Variants in CTNNBL1 observed in about 807,000 individuals in gnomAD.
The protein encoded by CTNNBL1 is catenin beta like 1.
A neutral mutation model predicts 72.7 loss-of-function variants in CTNNBL1; 31 were observed. The ratio of observed to expected loss-of-function variants is 0.43; its 90% CI spans 0.32 to 0.58. The LOEUF is 0.58. CTNNBL1 is among the 20% of genes least tolerant of loss of function. CTNNBL1 has a pLI of 0.08. For synonymous variants in CTNNBL1, 240 were observed against 267.3 expected (o/e 0.90, Z 1.00); for missense variants, 534 against 725.1 (o/e 0.74, Z 3.03).
At position 37,709,182 on chromosome 20, in the gene CTNNBL1, CATG is replaced by C. The variant is rs1183449666; in HGVS notation, c.30+15034_30+15036del. On this transcript the variant is annotated intron_variant, in intron 1 of 15. Transcript: ENST00000361383. Reference sequence around the variant, plus strand: ...AGGGAGTTGAAACCAAGCAGAGTATCATGATGCTTCTCTCTGAATATATCTGAC... The same window carrying C: ...AGGGAGTTGAAACCAAGCAGAGTATCATGCTTCTCTCTGAATATATCTGAC... Among the ~76,000 whole-genome samples the C allele has an allele frequency of 3.9e-5, 6 of 152,154 alleles. No homozygotes were observed. The East Asian group carries it at 1.2e-3, about 29-fold the overall frequency.
intron 10 of CTNNBL1, among the ~76,000 whole-genome samples, chr20:37,780,888 A>G (rs2073619771): frequency 6.6e-6 from 1 of 152,120 alleles, no homozygotes; most frequent in Non-Finnish European, 1.5e-5. Context: ...TGCCATTTCC[A>G]AGTCTATCTA....
intron 15 of CTNNBL1, among the ~76,000 whole-genome samples, chr20:37,863,893 G>C (rs2072513825): frequency 6.6e-6 from 1 of 152,206 alleles, no homozygotes; most frequent in South Asian, 2.1e-4. Flanking sequence ...GTTCTCTCTA[G>C]ATGGAAGGTT....
intron 1 of CTNNBL1, among the ~76,000 whole-genome samples, chr20:37,703,643 A>G (rs1410536858): frequency 6.6e-6 from 1 of 152,202 alleles, no homozygotes; most frequent in Non-Finnish European, 1.5e-5. Flanking sequence ...ATATCACATA[A>G]TTCTCTGCTT....
intron 15 of CTNNBL1, among the ~76,000 whole-genome samples, chr20:37,863,472 G>A (rs772997100): frequency 6.6e-6 from 1 of 152,210 alleles, no homozygotes; most frequent in Non-Finnish European, 1.5e-5. Context: ...TGGCACGGAG[G>A]CAGTTATGTA....
chr20:37,734,576 G>C (rs1405561588), intron 2 of CTNNBL1, among the ~76,000 whole-genome samples: 2 of 152,226 alleles, frequency 1.3e-5, no homozygotes, highest in African/African-American at 2.4e-5. Context: ...CGTCTGTTAA[G>C]GGACAGGGAA....
chr20:37,842,451 T>G, intron 13 of CTNNBL1, 32 bp downstream of exon 13: 2 of 1,516,668 alleles, frequency 1.3e-6, no homozygotes, highest in Non-Finnish European at 1.8e-6. Flanking sequence ...TTGCCAGCTA[T>G]TGACTTGCCC....
intron 5 of CTNNBL1, among the ~76,000 whole-genome samples, chr20:37,761,014 G>A (rs2073412964): frequency 6.6e-6 from 1 of 151,804 alleles, no homozygotes; most frequent in African/African-American, 2.4e-5. Context: ...GAAGAAGTAA[G>A]TAATGATAAT....
intron 1 of CTNNBL1, among the ~76,000 whole-genome samples, chr20:37,719,192 A>G (rs1205850974): frequency 6.6e-6 from 1 of 152,186 alleles, no homozygotes; most frequent in Non-Finnish European, 1.5e-5. Flanking sequence ...AATTTACCCT[A>G]ATGGCCCAAG....
intron 15 of CTNNBL1, among the ~76,000 whole-genome samples, chr20:37,867,821 A>G (rs1307518329): frequency 1.3e-5 from 2 of 152,226 alleles, no homozygotes; most frequent in African/African-American, 4.8e-5. Flanking sequence ...GGTAGCTGGC[A>G]CCACCAAGAT....
chr20:37,856,587 T>C (rs2072443193), intron 13 of CTNNBL1, among the ~76,000 whole-genome samples: 1 of 150,544 alleles, frequency 6.6e-6, no homozygotes, highest in Admixed American at 6.6e-5. Flanking sequence ...GCAGAGAGTA[T>C]GGCCAACACA....
intron 1 of CTNNBL1, among the ~76,000 whole-genome samples, chr20:37,708,063 T>C (rs1293104873): frequency 6.6e-6 from 1 of 152,176 alleles, no homozygotes. Flanking sequence ...TAAAGATCAC[T>C]CATCACGGAT....
At chr20:37,779,844 T>A (rs770968600) in intron 10 of CTNNBL1, among the ~76,000 whole-genome samples, 8 of 152,150 alleles carry the variant, frequency 5.3e-5, no homozygotes, top group Non-Finnish European at 1.2e-4. Flanking sequence ...AAACTTTTAT[T>A]TATAGTACTT....
intron 1 of CTNNBL1, among the ~76,000 whole-genome samples, chr20:37,721,200 T>A (rs912629419): frequency 7.9e-5 from 12 of 152,360 alleles, no homozygotes; most frequent in Non-Finnish European, 1.3e-4. Flanking sequence ...TTCCAGACCC[T>A]CTGCTATCCC....
intron 1 of CTNNBL1, among the ~76,000 whole-genome samples, chr20:37,724,833 A>G (rs549043570): frequency 2.6e-5 from 4 of 151,188 alleles, no homozygotes; most frequent in Admixed American, 6.6e-5. Context: ...ATAGTAATTT[A>G]TTTGTTTGTT....
At chr20:37,736,943 G>A (rs992100428) in intron 2 of CTNNBL1, among the ~76,000 whole-genome samples, 1 of 152,096 alleles carries the variant, frequency 6.6e-6, no homozygotes, top group African/African-American at 2.4e-5. Context: ...GTGTACTGTG[G>A]CCGGGCACAG....
At chr20:37,762,243 G>T (rs1048488424) in intron 5 of CTNNBL1, among the ~76,000 whole-genome samples, 6 of 152,036 alleles carry the variant, frequency 3.9e-5, no homozygotes, top group Non-Finnish European at 5.9e-5. Context: ...GTGGGTGTGG[G>T]GTTTTATTGT....
chr20:37,811,060 C>T (rs2072008358), intron 11 of CTNNBL1, among the ~76,000 whole-genome samples: 1 of 152,182 alleles, frequency 6.6e-6, no homozygotes, highest in Non-Finnish European at 1.5e-5. Flanking sequence ...GTTTGTATTC[C>T]TCCTCCTTCT....
chr20:37,756,789 C>A (rs1406079807), intron 4 of CTNNBL1, among the ~76,000 whole-genome samples: 1 of 151,584 alleles, frequency 6.6e-6, no homozygotes, highest in Non-Finnish European at 1.5e-5. Flanking sequence ...AGGCATGTGC[C>A]ACCATGCCTG....
chr20:37,809,926 T>TAAGAGCATTATGA (rs1244501415), intron 11 of CTNNBL1, among the ~76,000 whole-genome samples: 1 of 152,192 alleles, frequency 6.6e-6, no homozygotes, highest in Non-Finnish European at 1.5e-5. Flanking sequence ...TGCTGGTCAT[T>TAAGAGCATTATGA]AAGAGCATTA....
Sources: gnomAD v4.1 joint callset for allele counts (sites outside exome capture counted in the v4.1 genomes callset) on GRCh38, gnomAD v4.1.1 for gene constraint, MANE v1.5 for transcripts, NCBI Gene and HGNC (gene_info 2026-07-23, HGNC 2026-07-21) for gene names.